LRRC43: variants seen among roughly 807,000 people sequenced by gnomAD.
The protein encoded by LRRC43 is leucine rich repeat containing 43.
In LRRC43, 62 loss-of-function variants were observed where a neutral mutation model predicts 64.3. That is an observed-to-expected ratio of 0.96 (90% CI 0.79 to 1.19). The LOEUF (loss-of-function observed/expected upper bound fraction) is 1.19. Ranked by LOEUF, LRRC43 falls within the 50% of genes most tolerant of loss-of-function variation. The pLI is 0.00. For synonymous variants in LRRC43, 422 were observed against 382.3 expected, an observed-to-expected ratio of 1.10 and a Z score of -1.21; for missense variants, 868 against 845.0, an observed-to-expected ratio of 1.03 and a Z score of -0.34.
Position 122,200,447 on chromosome 12 carries a change from G to A in LRRC43, c.1492-85G>A, listed in dbSNP as rs556052897. 31 of 1,609,878 alleles carry A rather than the reference G, an allele frequency of 1.9e-5. 1 individual carries two copies. Among genetic ancestry groups the A allele is most frequent in the South Asian group, 1.9e-4 (17 of 90,702 alleles). ...CTCCCTGGTTAGATGAGTTCTCAGC[G>A]CCATTCCAGAAAGGGTGAGGGAGAG... is the stretch of plus-strand genomic sequence containing the variant. On this transcript the variant is annotated intron_variant, in intron 8 of 11. Transcript: ENST00000339777. This position sits in a 1 kb window ranked among gnomAD's most constrained non-coding sequence, Gnocchi z 4.6.
At chr12:122,190,643 G>A (rs1002687299) in intron 5 of LRRC43, among the ~76,000 whole-genome samples, 11 of 152,228 alleles carry the variant, frequency 7.2e-5, no homozygotes, top group South Asian at 2.1e-4. Context: ...CAGACAGATC[G>A]CTTGAAGTCA....
intron 3 of LRRC43, among the ~76,000 whole-genome samples, chr12:122,186,953 C>T (rs1953652226): frequency 6.7e-6 from 1 of 150,370 alleles, no homozygotes; most frequent in Non-Finnish European, 1.5e-5. Flanking sequence ...GCTATTCACT[C>T]ATAGAAAGGA....
chr12:122,173,133 C>T (rs921861906), intron 1 of LRRC43, among the ~76,000 whole-genome samples: 1 of 152,018 alleles, frequency 6.6e-6, no homozygotes, highest in Non-Finnish European at 1.5e-5. Context: ...GAAAGGCCTC[C>T]GAGATGCAGG....
intron 11 of LRRC43, chr12:122,202,548 T>G (rs1271922985): frequency 1.3e-5 from 2 of 152,216 alleles, no homozygotes; most frequent in Non-Finnish European, 2.9e-5. Flanking sequence ...ATGCATGAGT[T>G]ACTTGTAAAC....
upstream of LRRC43, among the ~76,000 whole-genome samples, chr12:122,180,368 A>C (rs1219858274): frequency 6.6e-6 from 1 of 151,974 alleles, no homozygotes; most frequent in Non-Finnish European, 1.5e-5. Flanking sequence ...AAAATACAAA[A>C]ACTAGCTGGG....
At chr12:122,168,690 T>C (rs1220104508) in intron 1 of LRRC43, among the ~76,000 whole-genome samples, 1 of 152,200 alleles carries the variant, frequency 6.6e-6, no homozygotes, top group African/African-American at 2.4e-5. Flanking sequence ...GTTAAGTAAC[T>C]GTGCACGTTT....
rs764445792 is a variant in LRRC43 at position 122,200,734 on chromosome 12, C to CCGTCGT, written c.1621-9_1621-4dup. 1 of 1,613,102 alleles carries CCGTCGT rather than the reference C, an allele frequency of 6.2e-7. No individual in the cohort carries two copies. Among genetic ancestry groups the CCGTCGT allele is most frequent in the African/African-American group, 1.3e-5 (1 of 75,032 alleles). On this transcript the variant is annotated splice_polypyrimidine_tract_variant and intron_variant, in intron 9 of 11. Coordinates refer to ENST00000339777, the MANE Select transcript of LRRC43 (RefSeq NM_001098519.2). The surrounding 1 kb of genome is among the most constrained non-coding windows in gnomAD (Gnocchi z 4.6). ...CAACTTGTCCCACCCTCCTGTCCTC[C>CCGTCGT]CGTCGTCGCAGGAGTGGAAGGTGCT...
In LRRC43 at chr12:122,186,223, C is replaced by T; in HGVS notation, c.445C>T (p.Leu149=). 1.2e-6 allele frequency: 2 copies of T among 1,603,720 alleles called. No individual in the cohort carries two copies. The highest frequency in any genetic ancestry group is 1.7e-5 in the Admixed American group (1 of 58,656). The part of the protein sequence containing the change: ...TLVDKDLLKF[L]KLEELVLSAN... The stretch of plus-strand genomic sequence containing the variant: ...GGTGGATAAAGACCTCCTGAAATTT[C>T]TAAAGCTGGAGGAGTTGGTACTGAG... The change falls in exon 3 of 12, where the codon CTA becomes TTA. Residue 149 remains leucine, a synonymous_variant. Transcript: ENST00000339777.
chr12:122,182,838 C>A (rs1432738743), upstream of LRRC43, among the ~76,000 whole-genome samples: 1 of 152,272 alleles, frequency 6.6e-6, no homozygotes, highest in South Asian at 2.1e-4. Context: ...GATGTTTGAC[C>A]TTGGGCCCTC....
chr12:122,181,942 G>A (rs980533714), upstream of LRRC43, among the ~76,000 whole-genome samples: 1 of 151,906 alleles, frequency 6.6e-6, no homozygotes, highest in African/African-American at 2.4e-5. Flanking sequence ...TCCCGATATC[G>A]TATAGTCAAA....
At chr12:122,178,068 C>T (rs763552940) in intron 1 of LRRC43, among the ~76,000 whole-genome samples, 6 of 151,620 alleles carry the variant, frequency 4.0e-5, no homozygotes, top group Non-Finnish European at 5.9e-5. Context: ...GAACTCCTGA[C>T]CTCAAGTGAT....
rs1242577502 is a variant in LRRC43 at position 122,191,562 on chromosome 12, G to A, written c.1084G>A (p.Ala362Thr). ...GEMNESAGVL[A>T]EIVKPSPSLE... Reference sequence around the variant, plus strand: ...AATGAATGAGTCCGCGGGCGTCCTGGCCGAGGTGTGCCCTGGTCTGTCCCT... The same window carrying A: ...AATGAATGAGTCCGCGGGCGTCCTGACCGAGGTGTGCCCTGGTCTGTCCCT... Residue 362 changes from alanine to threonine, a missense_variant, in exon 6 of 12, where the codon GCC (alanine) becomes ACC (threonine). Physicochemically the swap from Ala to Thr is moderately conservative, Grantham distance 58. Transcript: ENST00000339777. 6.2e-7 allele frequency: 1 copy of A among 1,613,552 alleles called. No homozygotes were observed. Among genetic ancestry groups the A allele is most frequent in the Admixed American group, 1.7e-5 (1 of 59,980 alleles).
chr12:122,184,094 G>T lies in LRRC43; in HGVS notation c.151-425G>T, dbSNP rs974307086. ...AAAATTATTGATTATTCACTGTCTA[G>T]ATTTTTTTTTTTTTTTTTGAGACGG... On this transcript the variant is annotated intron_variant, in intron 1 of 11. Transcript: ENST00000339777. This position sits in a 1 kb window ranked among gnomAD's most constrained non-coding sequence, Gnocchi z 4.0. 1.4e-4 allele frequency among the ~76,000 whole-genome samples: 16 copies of T among 114,614 alleles called. No homozygotes were observed. In the Admixed American group the frequency reaches 1.6e-3, roughly 11 times the overall value. 75.2% of individuals were successfully genotyped at this position (114,614 alleles called of 152,430 possible).
chr12:122,186,517 G>C (rs1036685137), intron 3 of LRRC43, among the ~76,000 whole-genome samples: 7 of 152,198 alleles, frequency 4.6e-5, no homozygotes, highest in Non-Finnish European at 7.3e-5. Flanking sequence ...ACTGAAGACA[G>C]GGATTTAGCC....
At chr12:122,178,116 G>A (rs1186878606) in intron 1 of LRRC43, among the ~76,000 whole-genome samples, 1 of 152,108 alleles carries the variant, frequency 6.6e-6, no homozygotes, top group Non-Finnish European at 1.5e-5. Context: ...AGGATTACAA[G>A]TGGGAGCCAC....
chr12:122,199,059 C>A (rs1428992635), intron 7 of LRRC43, among the ~76,000 whole-genome samples: 1 of 151,244 alleles, frequency 6.6e-6, no homozygotes, highest in Non-Finnish European at 1.5e-5. Flanking sequence ...CTCACTGCAA[C>A]CTCCACCTCC....
intron 1 of LRRC43, among the ~76,000 whole-genome samples, chr12:122,174,994 C>T (rs897442482): frequency 6.6e-6 from 1 of 151,784 alleles, no homozygotes; most frequent in Admixed American, 6.6e-5. Flanking sequence ...CACGTGCCAC[C>T]ATGCCCAGCT....
rs1953819225 is a variant in LRRC43 at position 122,200,212 on chromosome 12, A to G, written c.1373A>G (p.His458Arg). The G allele has an allele frequency of 1.2e-6, 2 of 1,613,192 alleles. No homozygotes were observed. Among genetic ancestry groups the G allele is most frequent in the African/African-American group, 1.3e-5 (1 of 74,666 alleles). ...SPGTVLFSTA[H>R]KPWAEVIPCS... is the part of the protein sequence containing the mutation. ...AGGACTGTCCTCTTCAGCACTGCCCACAAGCCCTGGGCTGAGGTCATCCCC... is the reference window on the plus strand; with the variant it reads ...AGGACTGTCCTCTTCAGCACTGCCCGCAAGCCCTGGGCTGAGGTCATCCCC... Residue 458 changes from histidine to arginine, a missense_variant, in exon 8 of 12, where the codon CAC becomes CGC. Coordinates refer to ENST00000339777, the MANE Select transcript of LRRC43 (RefSeq NM_001098519.2). The surrounding 1 kb of genome is among the most constrained non-coding windows in gnomAD (Gnocchi z 4.6).
intron 1 of LRRC43, among the ~76,000 whole-genome samples, chr12:122,183,740 A>G (rs1229278301): frequency 6.6e-6 from 1 of 152,160 alleles, no homozygotes; most frequent in Non-Finnish European, 1.5e-5. Flanking sequence ...CCCTGTCTCC[A>G]GAGTCCTAGA....
Sources: gnomAD v4.1 joint callset for allele counts (sites outside exome capture counted in the v4.1 genomes callset) on GRCh38, gnomAD v4.1.1 for gene constraint, Gnocchi (gnomAD v3.1) non-coding constraint, MANE v1.5 for transcripts, NCBI Gene and HGNC (gene_info 2026-07-23, HGNC 2026-07-21) for gene names.